Variants in DNAJC6 observed in about 807,000 individuals in gnomAD.
The protein encoded by DNAJC6 is DnaJ heat shock protein family (Hsp40) member C6.
Under a neutral mutation model 110.0 loss-of-function variants are expected in DNAJC6, and 34 were observed. That is an observed-to-expected ratio of 0.31 (90% CI 0.24 to 0.41). DNAJC6 has a LOEUF of 0.41. Ranked by LOEUF, DNAJC6 falls within the 10% of genes least tolerant of loss-of-function variation. The pLI, the probability that DNAJC6 is intolerant of heterozygous loss-of-function variation, is 1.00. For synonymous variants in DNAJC6, 406 were observed against 437.2 expected, an observed-to-expected ratio of 0.93 and a Z score of 0.89; for missense variants, 1,031 against 1,207.8, an observed-to-expected ratio of 0.85 and a Z score of 2.17.
At chr1:65,310,670 T>G (rs1645090763) in intron 1 of DNAJC6, among the ~76,000 whole-genome samples, 2 of 152,230 alleles carry the variant, frequency 1.3e-5, no homozygotes, top group African/African-American at 4.8e-5. Context: ...GCAACTGTCT[T>G]TTATAAAAGG....
Position 65,389,637 on chromosome 1 carries a change from A to C in DNAJC6, c.1468+10A>C. 1 of 1,613,614 alleles carries C rather than the reference A, an allele frequency of 6.2e-7. No individual in the cohort carries two copies. The highest frequency in any genetic ancestry group is 8.5e-7 in the Non-Finnish European group (1 of 1,179,520). ...TCTCTCTGTTGGCAAGGTATTTACA[A>C]GTGTTTCTTTAAGTCACATGGTTTG... On this transcript the variant is annotated intron_variant, in intron 11 of 18. Coordinates refer to ENST00000371069, the MANE Select transcript of DNAJC6 (RefSeq NM_001256864.2).
chr1:65,312,845 G>A (rs964104561), intron 1 of DNAJC6, among the ~76,000 whole-genome samples: 1 of 152,162 alleles, frequency 6.6e-6, no homozygotes, highest in Non-Finnish European at 1.5e-5. Flanking sequence ...TGTCACCCAG[G>A]CTGGAGTGCA....
intron 1 of DNAJC6, among the ~76,000 whole-genome samples, chr1:65,280,232 G>A (rs1420177134): frequency 2.0e-5 from 3 of 152,078 alleles, no homozygotes; most frequent in African/African-American, 4.8e-5. Flanking sequence ...TCATTGTCCC[G>A]TCTCTTAGAG....
At chr1:65,331,720 A>G (rs1645290044) in intron 1 of DNAJC6, among the ~76,000 whole-genome samples, 1 of 152,194 alleles carries the variant, frequency 6.6e-6, no homozygotes, top group South Asian at 2.1e-4. Context: ...CCCCAAGTTG[A>G]AGGGATGGCT....
chr1:65,308,277 A>G (rs1053537956), upstream of DNAJC6, among the ~76,000 whole-genome samples: 1 of 152,238 alleles, frequency 6.6e-6, no homozygotes, highest in Non-Finnish European at 1.5e-5. Flanking sequence ...AGTACATTTT[A>G]CATGCACGTA....
chr1:65,336,271 G>C (rs1040940402), intron 1 of DNAJC6, among the ~76,000 whole-genome samples: 33 of 152,086 alleles, frequency 2.2e-4, no homozygotes, highest in African/African-American at 7.7e-4. Flanking sequence ...ATTATATCTT[G>C]TGAGAACTCA....
At chr1:65,298,506 A>G (rs929592240) in intron 1 of DNAJC6, among the ~76,000 whole-genome samples, 2 of 152,168 alleles carry the variant, frequency 1.3e-5, no homozygotes, top group Non-Finnish European at 2.9e-5. Context: ...ATGAAATCTG[A>G]TAGTTACTTC....
intron 3 of DNAJC6, 26 bp from the exon 4 acceptor site, chr1:65,366,022 T>G: frequency 6.2e-7 from 1 of 1,613,520 alleles, no homozygotes; most frequent in Non-Finnish European, 8.5e-7. Context: ...TTAACCTGTT[T>G]TCTTTCTGTG....
chr1:65,304,438 T>C (rs976067704), intron 1 of DNAJC6, among the ~76,000 whole-genome samples: 2 of 152,232 alleles, frequency 1.3e-5, no homozygotes, highest in African/African-American at 4.8e-5. Context: ...TGCATTTCTA[T>C]AGCAAAACCT....
intron 1 of DNAJC6, among the ~76,000 whole-genome samples, chr1:65,359,198 C>G (rs1293619939): frequency 6.6e-6 from 1 of 152,092 alleles, no homozygotes; most frequent in African/African-American, 2.4e-5. Flanking sequence ...AAGCTCGATA[C>G]AAATAAATGA....
At chr1:65,365,008 T>C (rs1645632641) in intron 2 of DNAJC6, among the ~76,000 whole-genome samples, 1 of 152,204 alleles carries the variant, frequency 6.6e-6, no homozygotes, top group Non-Finnish European at 1.5e-5. Flanking sequence ...AGTATAATGG[T>C]TGCCCTCCCT....
At chr1:65,350,436 A>G (rs887716580) in intron 1 of DNAJC6, among the ~76,000 whole-genome samples, 3 of 152,142 alleles carry the variant, frequency 2.0e-5, no homozygotes, top group Admixed American at 6.6e-5. Flanking sequence ...CTTGTCTACT[A>G]ATTCTAATAT....
intron 5 of DNAJC6, among the ~76,000 whole-genome samples, chr1:65,381,075 C>T (rs2101592153): frequency 6.6e-6 from 1 of 151,464 alleles, no homozygotes; most frequent in South Asian, 2.1e-4. Context: ...CGCACCACCA[C>T]ACCCAGATAA....
intron 1 of DNAJC6, among the ~76,000 whole-genome samples, chr1:65,337,139 G>A (rs948893806): frequency 5.3e-5 from 8 of 149,740 alleles, no homozygotes; most frequent in Non-Finnish European, 8.9e-5. Context: ...GTAGATTAAA[G>A]GCTTGATCAG....
At chr1:65,313,193 C>G (rs1268688870) in intron 1 of DNAJC6, among the ~76,000 whole-genome samples, 4 of 151,228 alleles carry the variant, frequency 2.6e-5, no homozygotes, top group Non-Finnish European at 5.9e-5. Flanking sequence ...GCTGGGACTA[C>G]AGGTATGAAC....
At chr1:65,345,474 G>A (rs1645428843) in intron 1 of DNAJC6, 2 of 164,540 alleles carry the variant, frequency 1.2e-5, no homozygotes, top group Non-Finnish European at 2.5e-5. Context: ...TTACTAGTTT[G>A]CCTGCTGTTA....
At chr1:65,346,566 G>A (rs1488982079) in intron 1 of DNAJC6, among the ~76,000 whole-genome samples, 3 of 152,056 alleles carry the variant, frequency 2.0e-5, no homozygotes, top group African/African-American at 7.2e-5. Flanking sequence ...CCTGGTTCCA[G>A]TATGTATTAT....
intron 1 of DNAJC6, among the ~76,000 whole-genome samples, chr1:65,319,792 T>A (rs1341769740): frequency 3.3e-5 from 5 of 152,178 alleles, no homozygotes; most frequent in Non-Finnish European, 7.4e-5. Flanking sequence ...TTTTAGTTTC[T>A]TCCTCTTCTG....
At chr1:65,368,610 CCTTCTCCTT>C (rs71969093) in intron 4 of DNAJC6, among the ~76,000 whole-genome samples, 1,486 of 146,746 alleles carry the variant, frequency 0.01, 24 homozygotes, top group African/African-American at 0.037. Flanking sequence ...TTCTTCTCCT[CCTTCTCCTT>C]CTTCTCCTTC....
Sources: gnomAD v4.1 joint callset for allele counts (sites outside exome capture counted in the v4.1 genomes callset) on GRCh38, gnomAD v4.1.1 for gene constraint, MANE v1.5 for transcripts, NCBI Gene and HGNC (gene_info 2026-07-23, HGNC 2026-07-21) for gene names.